CAST: variants seen among roughly 807,000 people sequenced by gnomAD.
The protein encoded by CAST is MIR583 host.
Under a neutral mutation model 119.6 loss-of-function variants are expected in CAST, and 76 were observed. The observed-to-expected ratio is 0.64, with a 90% CI of 0.53 to 0.77. CAST has a LOEUF of 0.77. Ranked by LOEUF, CAST falls within the 30% of genes least tolerant of loss-of-function variation. The pLI, the probability that CAST is intolerant of heterozygous loss-of-function variation, is 0.00. For synonymous variants in CAST, 319 were observed against 331.6 expected, an observed-to-expected ratio of 0.96 and a Z score of 0.41; for missense variants, 953 against 946.5, an observed-to-expected ratio of 1.01 and a Z score of -0.09.
chr5:96,459,401 A>T, the CAST span, among the ~76,000 whole-genome samples: 1 of 152,160 alleles, frequency 6.6e-6, no homozygotes, highest in South Asian at 2.1e-4. Context: ...AGTTAGGTAA[A>T]GTCCCTGTCA....
chr5:96,759,124 A>G lies in CAST; in HGVS notation c.1833+1470A>G, dbSNP rs116204484. ...AAAATCTTACTCTTAGAAAATTAGCAAAGGAAACATTAGTGCCAACAATAT... is the reference window on the plus strand; with the variant it reads ...AAAATCTTACTCTTAGAAAATTAGCGAAGGAAACATTAGTGCCAACAATAT... On this transcript the variant is annotated intron_variant, in intron 24 of 31. Coordinates refer to ENST00000675179, the MANE Select transcript of CAST (RefSeq NM_001750.7). 6.3e-3 allele frequency among the ~76,000 whole-genome samples: 953 copies of G among 152,322 alleles called. 5 individuals carry two copies. The highest frequency in any genetic ancestry group is 0.022 in the African/African-American group (920 of 41,582).
the CAST span, among the ~76,000 whole-genome samples, chr5:96,209,596 A>C: frequency 6.6e-6 from 1 of 151,972 alleles, no homozygotes; most frequent in Admixed American, 6.6e-5. Flanking sequence ...CTGGATATGA[A>C]ATTTTTTATT....
chr5:96,614,840 G>A (rs1561430782), intron 1 of CAST, among the ~76,000 whole-genome samples: 1 of 152,178 alleles, frequency 6.6e-6, no homozygotes, highest in Non-Finnish European at 1.5e-5. Flanking sequence ...TGAGGCACCT[G>A]TCACTAAGAA....
At chr5:96,538,561 A>T (rs1745859234) in intron 1 of CAST, among the ~76,000 whole-genome samples, 1 of 152,152 alleles carries the variant, frequency 6.6e-6, no homozygotes, top group South Asian at 2.1e-4. Context: ...CATCTCTTGA[A>T]TTTCTGAATT....
chr5:96,279,242 C>T, the CAST span, among the ~76,000 whole-genome samples: 2 of 152,180 alleles, frequency 1.3e-5, no homozygotes, highest in East Asian at 3.9e-4. Context: ...ACCATTTGAT[C>T]GAAGGTCAGT....
the CAST span, among the ~76,000 whole-genome samples, chr5:96,404,178 C>T: frequency 2.0e-5 from 3 of 152,186 alleles, no homozygotes; most frequent in Admixed American, 2.0e-4. Context: ...TCTACACAAA[C>T]ACAGGTGGAT....
intron 2 of CAST, among the ~76,000 whole-genome samples, chr5:96,680,354 C>CAAAAAAAAAAAAAA (rs71617135): frequency 3.4e-4 from 10 of 29,258 alleles, no homozygotes; most frequent in African/African-American, 9.0e-4. Context: ...GACTCTGTCT[C>CAAAAAAAAAAAAAA]AAAAAAAAAA....
chr5:96,209,973 A>T, the CAST span: 3 of 151,774 alleles, frequency 2.0e-5, no homozygotes, highest in Admixed American at 2.0e-4. Context: ...AATGAGTCAT[A>T]GATTTGGTCT....
the CAST span, among the ~76,000 whole-genome samples, chr5:96,502,286 G>A: frequency 3.9e-5 from 6 of 152,176 alleles, no homozygotes; most frequent in South Asian, 2.1e-4. Context: ...ATATCTTGAC[G>A]TGTATTGTCA....
chr5:95,976,113 A>T, the CAST span, among the ~76,000 whole-genome samples: 1 of 151,808 alleles, frequency 6.6e-6, no homozygotes, highest in African/African-American at 2.4e-5. Context: ...CTTATGACTT[A>T]CTTTTAAAAG....
the CAST span, among the ~76,000 whole-genome samples, chr5:96,294,353 A>C: frequency 6.6e-6 from 1 of 152,198 alleles, no homozygotes; most frequent in Non-Finnish European, 1.5e-5. Context: ...TGCTTCTTCA[A>C]TGTAGCTCAC....
At chr5:96,389,507 G>T in the CAST span, among the ~76,000 whole-genome samples, 3 of 152,166 alleles carry the variant, frequency 2.0e-5, no homozygotes, top group Non-Finnish European at 4.4e-5. Context: ...TTATGACTTA[G>T]GAGAAATGAA....
At chr5:96,638,884 T>G (rs1747915580) in intron 1 of CAST, among the ~76,000 whole-genome samples, 1 of 152,174 alleles carries the variant, frequency 6.6e-6, no homozygotes, top group African/African-American at 2.4e-5. Flanking sequence ...CTATCCCTTC[T>G]CAGTTTCATC....
chr5:96,081,578 A>T, the CAST span, among the ~76,000 whole-genome samples: 1 of 152,154 alleles, frequency 6.6e-6, no homozygotes, highest in African/African-American at 2.4e-5. Flanking sequence ...CTGTTCAGGG[A>T]ACATGAACAG....
At chr5:96,511,359 G>A in the CAST span, among the ~76,000 whole-genome samples, 2 of 152,074 alleles carry the variant, frequency 1.3e-5, no homozygotes, top group African/African-American at 2.4e-5. Flanking sequence ...GGCCAGGATG[G>A]TCTCGATCTC....
chr5:95,969,459 A>G, the CAST span, among the ~76,000 whole-genome samples: 2 of 152,186 alleles, frequency 1.3e-5, no homozygotes, highest in Non-Finnish European at 2.9e-5. Flanking sequence ...GAGACCAATG[A>G]TCAGAGGAGG....
chr5:96,771,597 T>TTA (rs761204417), intron 30 of CAST, 47 bp from the exon 31 acceptor site: 27 of 1,534,338 alleles, frequency 1.8e-5, no homozygotes, highest in Non-Finnish European at 2.3e-5. Flanking sequence ...CTCCTCATAC[T>TTA]TAATACAGAA....
intron 20 of CAST, among the ~76,000 whole-genome samples, chr5:96,753,561 C>G (rs1270581566): frequency 6.6e-6 from 1 of 152,218 alleles, no homozygotes; most frequent in East Asian, 1.9e-4. Flanking sequence ...TCATCAGAAC[C>G]AGCCCTGAAA....
the CAST span, among the ~76,000 whole-genome samples, chr5:96,460,660 C>G: frequency 2.0e-5 from 3 of 151,484 alleles, no homozygotes; most frequent in Admixed American, 1.3e-4. Flanking sequence ...GAAATAAGAA[C>G]AGAGACAATG....
Sources: gnomAD v4.1 joint callset for allele counts (sites outside exome capture counted in the v4.1 genomes callset) on GRCh38, gnomAD v4.1.1 for gene constraint, MANE v1.5 for transcripts, NCBI Gene and HGNC (gene_info 2026-07-23, HGNC 2026-07-21) for gene names.